Variants in PTPRD observed in about 807,000 individuals in gnomAD.
The protein encoded by PTPRD is receptor-type tyrosine-protein phosphatase delta.
Under a neutral mutation model 214.5 loss-of-function variants are expected in PTPRD, and 34 were observed. That is an observed-to-expected ratio of 0.16 (90% confidence interval 0.12 to 0.21). The LOEUF (loss-of-function observed/expected upper bound fraction) is 0.21, where lower values mean the gene tolerates loss of function less well. PTPRD is among the 10% of genes least tolerant of loss of function. The probability of loss-of-function intolerance (pLI) is 1.00; values close to 1 mark genes in which losing one functional copy is unlikely to be tolerated. For synonymous variants in PTPRD, 1,128 were observed against 845.7 expected, an observed-to-expected ratio of 1.33 and a Z score of -5.79; for missense variants, 2,545 against 2,398.7, an observed-to-expected ratio of 1.06 and a Z score of -1.27.
chr9:9,779,011 A>T (rs2098821556), intron 5 of PTPRD, among the ~76,000 whole-genome samples: 1 of 144,360 alleles, frequency 6.9e-6, no homozygotes, highest in South Asian at 2.3e-4. Flanking sequence ...AGAGACACAG[A>T]CCAGTGAAAC....
intron 7 of PTPRD, among the ~76,000 whole-genome samples, chr9:9,717,415 G>A (rs10122785): frequency 0.011 from 1,660 of 152,224 alleles, 28 homozygotes; most frequent in African/African-American, 0.038. Context: ...GATGGGGATG[G>A]TATTGAATCT....
intron 2 of PTPRD, among the ~76,000 whole-genome samples, chr9:10,563,711 C>G (rs962254426): frequency 2.0e-5 from 3 of 151,688 alleles, no homozygotes; most frequent in African/African-American, 7.3e-5. Context: ...GGTGTGCAGA[C>G]TTTTGCTTTA....
chr9:8,495,018 TCTA>T (rs2097230830), intron 26 of PTPRD, among the ~76,000 whole-genome samples: 1 of 152,092 alleles, frequency 6.6e-6, no homozygotes, highest in South Asian at 2.1e-4. Context: ...CAGTCACTGG[TCTA>T]CTGTTTCTCT....
chr9:10,580,236 C>T (rs1041069262), intron 2 of PTPRD, among the ~76,000 whole-genome samples: 2 of 152,136 alleles, frequency 1.3e-5, no homozygotes, highest in Non-Finnish European at 2.9e-5. Flanking sequence ...ATAACATTGG[C>T]ATCACTATAA....
chr9:10,489,771 T>C (rs1273850591), intron 2 of PTPRD, among the ~76,000 whole-genome samples: 1 of 152,148 alleles, frequency 6.6e-6, no homozygotes, highest in South Asian at 2.1e-4. Context: ...TTTTGTTTTC[T>C]GTTATGATAG....
chr9:9,613,135 C>T (rs10759081), intron 7 of PTPRD, among the ~76,000 whole-genome samples: 22,835 of 37,664 alleles, frequency 0.61, 5,674 homozygotes, highest in Non-Finnish European at 0.64. Flanking sequence ...TACATACATA[C>T]ATATATATAT....
intron 6 of PTPRD, among the ~76,000 whole-genome samples, chr9:9,752,978 T>C (rs183365763): frequency 1.3e-5 from 2 of 152,216 alleles, no homozygotes; most frequent in Admixed American, 1.3e-4. Flanking sequence ...GTACTTGTTC[T>C]CTACTTAACA....
chr9:8,403,285 C>G (rs1338323236), intron 36 of PTPRD, among the ~76,000 whole-genome samples: 2 of 152,128 alleles, frequency 1.3e-5, no homozygotes, highest in Non-Finnish European at 2.9e-5. Flanking sequence ...ACTATAAAGT[C>G]CTTAAAATAA....
rs563096513 is a variant in PTPRD, at chr9:10,002,792, TA to T, written c.-472+30925del. On this transcript the variant is annotated intron_variant, in intron 4 of 45. Coordinates refer to ENST00000381196, the MANE Select transcript of PTPRD (RefSeq NM_002839.4). The stretch of plus-strand genomic sequence containing the variant: ...ATAGATAAAATGAAAAAGTAGATGA[TA>T]AAAAAAAAAGACTTCAATAACACTA... Among the ~76,000 whole-genome samples the T allele has an allele frequency of 7.7e-3, 1,116 of 145,156 alleles. 7 individuals carry two copies. Among genetic ancestry groups the T allele is most frequent in the South Asian group, 0.026 (120 of 4,580 alleles).
At chr9:9,512,306 T>G (rs2096728136) in intron 8 of PTPRD, among the ~76,000 whole-genome samples, 1 of 151,864 alleles carries the variant, frequency 6.6e-6, no homozygotes, top group African/African-American at 2.4e-5. Context: ...GGTGATTATT[T>G]CTATTTTTCT....
chr9:8,642,032 T>G (rs115160808), intron 12 of PTPRD, among the ~76,000 whole-genome samples: 4 of 152,162 alleles, frequency 2.6e-5, no homozygotes, highest in Non-Finnish European at 5.9e-5. Context: ...CTATACTAAG[T>G]AGTGCTAGAC....
intron 7 of PTPRD, among the ~76,000 whole-genome samples, chr9:9,693,077 T>C (rs1233216833): frequency 1.3e-5 from 2 of 152,050 alleles, no homozygotes; most frequent in Non-Finnish European, 2.9e-5. Context: ...AATGATAATA[T>C]GACTTCTTCC....
At chr9:10,120,024 T>A (rs190274181) in intron 3 of PTPRD, among the ~76,000 whole-genome samples, 1 of 152,166 alleles carries the variant, frequency 6.6e-6, no homozygotes, top group Admixed American at 6.6e-5. Context: ...TGATAGAAAC[T>A]TAGCTTTATG....
At chr9:9,876,778 CACAA>C (rs551620544) in intron 5 of PTPRD, among the ~76,000 whole-genome samples, 3 of 152,066 alleles carry the variant, frequency 2.0e-5, no homozygotes, top group Non-Finnish European at 2.9e-5. Context: ...ATTGTGGTGA[CACAA>C]ACATACTCAA....
chr9:10,507,367 T>C (rs896964037), intron 2 of PTPRD, among the ~76,000 whole-genome samples: 16 of 152,230 alleles, frequency 1.1e-4, no homozygotes, highest in African/African-American at 3.9e-4. Flanking sequence ...AAAATGGCCA[T>C]ATTGCCCAAG....
intron 8 of PTPRD, among the ~76,000 whole-genome samples, chr9:9,516,290 T>C (rs1269567887): frequency 2.6e-5 from 4 of 151,976 alleles, no homozygotes; most frequent in South Asian, 4.1e-4. Context: ...CATATTGTAA[T>C]GGGAGCAGTG....
chr9:8,479,023 C>A (rs901545549), intron 30 of PTPRD, among the ~76,000 whole-genome samples: 1 of 152,082 alleles, frequency 6.6e-6, no homozygotes, highest in African/African-American at 2.4e-5. Context: ...TAGCAACCTG[C>A]CCACCGTTCT....
At chr9:9,604,826 C>G (rs1470912553) in intron 7 of PTPRD, among the ~76,000 whole-genome samples, 1 of 151,302 alleles carries the variant, frequency 6.6e-6, no homozygotes, top group Non-Finnish European at 1.5e-5. Context: ...AGTGTACTAC[C>G]ATAGGAACAT....
At chr9:8,610,625 A>G (rs2095413615) in intron 14 of PTPRD, among the ~76,000 whole-genome samples, 1 of 152,208 alleles carries the variant, frequency 6.6e-6, no homozygotes, top group Non-Finnish European at 1.5e-5. Context: ...AGCACCACAG[A>G]CTGACCTTTA....
Sources: gnomAD v4.1 joint callset for allele counts (sites outside exome capture counted in the v4.1 genomes callset) on GRCh38, gnomAD v4.1.1 for gene constraint, MANE v1.5 for transcripts, NCBI Gene and HGNC (gene_info 2026-07-23, HGNC 2026-07-21) for gene names.